The following SAXO5 variants were observed in gnomAD, a reference collection of about 807,000 sequenced individuals.
SAXO5 encodes stabilizer of axonemal microtubules 5.
chr19:7,508,383 C>T, the SAXO5 span: 1 of 1,613,470 alleles, frequency 6.2e-7, no homozygotes, highest in Non-Finnish European at 8.5e-7. Context: ...GAAGATAGAC[C>T]CTCTGGTCCC....
chr19:7,501,028 T>C, the SAXO5 span: 13 of 1,524,436 alleles, frequency 8.5e-6, no homozygotes, highest in Non-Finnish European at 1.1e-5. Flanking sequence ...CTTTTCCCAA[T>C]GGACCCGCGC....
At chr19:7,498,102 G>GAA in the SAXO5 span, among the ~76,000 whole-genome samples, 1,543 of 134,414 alleles carry the variant, frequency 0.011, 32 homozygotes, top group African/African-American at 0.04. Flanking sequence ...AGTGAGCTGA[G>GAA]AAAAAAAAAA....
At chr19:7,501,195 C>T in the SAXO5 span, 11 of 1,534,842 alleles carry the variant, frequency 7.2e-6, no homozygotes, top group Non-Finnish European at 9.6e-6. Flanking sequence ...CGGGATCGGC[C>T]TCTCCAACGC....
chr19:7,506,792 T>C, the SAXO5 span: 2 of 372,236 alleles, frequency 5.4e-6, no homozygotes, highest in East Asian at 1.2e-4. Context: ...CCCTGGCTCC[T>C]TCCTCCTCCC....
chr19:7,506,221 C>G, the SAXO5 span: 1 of 1,386,296 alleles, frequency 7.2e-7, no homozygotes, highest in Non-Finnish European at 9.6e-7. Context: ...AAGCCCCACC[C>G]CCGAAAGCCC....
chr19:7,503,318 G>A, the SAXO5 span, among the ~76,000 whole-genome samples: 10 of 151,992 alleles, frequency 6.6e-5, no homozygotes, highest in Non-Finnish European at 1.5e-4. Flanking sequence ...AGTGAGTCAA[G>A]ATTGTGCCAC....
At chr19:7,506,606 C>G in the SAXO5 span, 1 of 356,134 alleles carries the variant, frequency 2.8e-6, no homozygotes, top group Non-Finnish European at 5.4e-6. Flanking sequence ...TCTGGCCCGG[C>G]CCCGCCCCTG....
the SAXO5 span, chr19:7,506,885 C>G: frequency 1.7e-6 from 1 of 578,900 alleles, no homozygotes; most frequent in Non-Finnish European, 3.1e-6. Flanking sequence ...TCTGGCTTCT[C>G]CCTCCTTCTT....
chr19:7,504,039 T>C, the SAXO5 span: 538 of 1,013,202 alleles, frequency 5.3e-4, 1 homozygote, highest in East Asian at 0.01. Flanking sequence ...AGGCAAGAAA[T>C]AGAATTCCTT....
chr19:7,500,688 G>C, the SAXO5 span: 2 of 804,644 alleles, frequency 2.5e-6, no homozygotes, highest in East Asian at 6.6e-5. Context: ...CCAGCCTCCA[G>C]CTCAGTGCTT....
chr19:7,506,173 C>G, the SAXO5 span: 1 of 1,579,956 alleles, frequency 6.3e-7, no homozygotes, highest in African/African-American at 1.4e-5. Context: ...GCGGTGAGCG[C>G]TCCCGGGAAG....
the SAXO5 span, chr19:7,507,248 C>A: frequency 1.0e-6 from 1 of 991,720 alleles, no homozygotes; most frequent in Non-Finnish European, 1.5e-6. Flanking sequence ...TAGTGATCAC[C>A]CAGGCTCGGG....
the SAXO5 span, chr19:7,506,631 A>C: frequency 2.9e-6 from 1 of 346,856 alleles, no homozygotes; most frequent in East Asian, 8.3e-5. Context: ...TCTTAGCCCT[A>C]TGCCCTAGCT....
At chr19:7,505,450 G>T in the SAXO5 span, 2 of 1,613,828 alleles carry the variant, frequency 1.2e-6, no homozygotes, top group Admixed American at 3.3e-5. Context: ...AGAGCCTGAG[G>T]CCCGCCCCGT....
chr19:7,500,497 A>G, the SAXO5 span, among the ~76,000 whole-genome samples: 2 of 152,006 alleles, frequency 1.3e-5, no homozygotes, highest in East Asian at 3.9e-4. Context: ...TTTAGTACAG[A>G]CAGGGTTTCA....
At chr19:7,497,772 T>C in the SAXO5 span, 1 of 152,196 alleles carries the variant, frequency 6.6e-6, no homozygotes, top group Non-Finnish European at 1.5e-5. Context: ...ACCTGGCTAG[T>C]AGTCTCAGTT....
chr19:7,508,412 G>T, the SAXO5 span: 1 of 1,610,516 alleles, frequency 6.2e-7, no homozygotes, highest in South Asian at 1.1e-5. Context: ...CTATGTACCT[G>T]TGCCCCAGCC....
chr19:7,504,271 G>T, the SAXO5 span: 2 of 1,613,538 alleles, frequency 1.2e-6, no homozygotes, highest in South Asian at 1.1e-5. Flanking sequence ...AGAATTGGGG[G>T]CTGGGTGGTT....
At chr19:7,508,249 T>G in the SAXO5 span, 1 of 1,614,004 alleles carries the variant, frequency 6.2e-7, no homozygotes, top group South Asian at 1.1e-5. Flanking sequence ...GGACTGCGCT[T>G]CTTCTCAACA....
Sources: gnomAD v4.1 joint callset for allele counts (sites outside exome capture counted in the v4.1 genomes callset) on GRCh38, gnomAD v4.1.1 for gene constraint, MANE v1.5 for transcripts, NCBI Gene and HGNC (gene_info 2026-07-23, HGNC 2026-07-21) for gene names.